Variants in ATRNL1 observed in about 807,000 individuals in gnomAD.
ATRNL1 encodes the protein attractin like 1.
In ATRNL1, 95 loss-of-function variants were observed where a neutral mutation model predicts 182.7. The ratio of observed to expected loss-of-function variants is 0.52; its 90% confidence interval spans 0.44 to 0.62. The LOEUF is 0.62. Among genes scored for constraint, ATRNL1 ranks in the 20% least tolerant of loss-of-function variants. The pLI is 0.00. For synonymous variants in ATRNL1, 576 were observed against 568.3 expected, an observed-to-expected ratio of 1.01 and a Z score of -0.19; for missense variants, 1,471 against 1,679.5, an observed-to-expected ratio of 0.88 and a Z score of 2.17.
At chr10:115,099,688 G>T (rs1042570982) in intron 1 of ATRNL1, among the ~76,000 whole-genome samples, 1 of 152,144 alleles carries the variant, frequency 6.6e-6, no homozygotes, top group Admixed American at 6.5e-5. Context: ...AATTACTAAT[G>T]ATATTGAGTA....
chr10:115,378,710 C>T (rs1857814688), intron 19 of ATRNL1, among the ~76,000 whole-genome samples: 1 of 152,142 alleles, frequency 6.6e-6, no homozygotes, highest in Non-Finnish European at 1.5e-5. Context: ...CACAGATCAG[C>T]AAGTCTCCCA....
chr10:115,508,717 G>A (rs1229891764), intron 24 of ATRNL1, among the ~76,000 whole-genome samples: 1 of 151,992 alleles, frequency 6.6e-6, no homozygotes, highest in Non-Finnish European at 1.5e-5. Context: ...AGAGAGGTGA[G>A]GAAGATGCAG....
intron 8 of ATRNL1, among the ~76,000 whole-genome samples, chr10:115,198,096 TG>T (rs1554891479): frequency 1.3e-5 from 2 of 152,174 alleles, no homozygotes; most frequent in African/African-American, 4.8e-5. Context: ...GGCTTCATAT[TG>T]TTTTCCATAA....
At chr10:115,848,536 T>C (rs1233914703) in intron 28 of ATRNL1, among the ~76,000 whole-genome samples, 1 of 152,134 alleles carries the variant, frequency 6.6e-6, no homozygotes. Context: ...AGGGAAACCC[T>C]CTGTCTTAGG....
chr10:115,258,364 A>G (rs1362930259), intron 10 of ATRNL1, among the ~76,000 whole-genome samples: 2 of 151,752 alleles, frequency 1.3e-5, no homozygotes, highest in African/African-American at 4.8e-5. Context: ...CATTAATTTG[A>G]TCTTCAGTCA....
chr10:115,389,213 T>C (rs1400171766), intron 19 of ATRNL1, among the ~76,000 whole-genome samples: 1 of 151,980 alleles, frequency 6.6e-6, no homozygotes, highest in Non-Finnish European at 1.5e-5. Context: ...ATCTTGTCTT[T>C]TTAAAAGCTG....
intron 26 of ATRNL1, among the ~76,000 whole-genome samples, chr10:115,571,994 A>G (rs930148326): frequency 2.6e-5 from 4 of 152,084 alleles, no homozygotes; most frequent in Non-Finnish European, 5.9e-5. Context: ...TATGATGTTT[A>G]TATGAAATGT....
At chr10:115,346,401 G>A (rs1380769945) in intron 19 of ATRNL1, among the ~76,000 whole-genome samples, 1 of 152,136 alleles carries the variant, frequency 6.6e-6, no homozygotes, top group Admixed American at 6.5e-5. Context: ...CTTAGCATAA[G>A]CCTTCATGGT....
chr10:115,838,686 A>G (rs547916159), intron 27 of ATRNL1, among the ~76,000 whole-genome samples: 1 of 152,132 alleles, frequency 6.6e-6, no homozygotes, highest in Non-Finnish European at 1.5e-5. Context: ...GTGAAAGCTG[A>G]TGTTCATAAT....
chr10:115,692,962 T>C (rs1239517695), intron 26 of ATRNL1, among the ~76,000 whole-genome samples: 6 of 152,062 alleles, frequency 3.9e-5, no homozygotes, highest in Admixed American at 3.9e-4. Flanking sequence ...TAATAGGCAA[T>C]ATTGCTTCCA....
chr10:115,164,394 T>C (rs2144035114), intron 6 of ATRNL1, among the ~76,000 whole-genome samples: 1 of 152,248 alleles, frequency 6.6e-6, no homozygotes, highest in South Asian at 2.1e-4. Context: ...GTATGTAAAG[T>C]AGCACAGTCA....
chr10:115,435,967 A>G (rs1846385719), intron 21 of ATRNL1, among the ~76,000 whole-genome samples: 1 of 152,176 alleles, frequency 6.6e-6, no homozygotes, highest in Admixed American at 6.5e-5. Flanking sequence ...AGTTATTAAT[A>G]CATAAGTGAA....
chr10:115,386,348 G>T (rs1294006300), intron 19 of ATRNL1, among the ~76,000 whole-genome samples: 3 of 152,114 alleles, frequency 2.0e-5, no homozygotes, highest in Non-Finnish European at 4.4e-5. Flanking sequence ...TTTCACGGGG[G>T]CACCAGCTGC....
At chr10:115,630,826 A>G (rs1858442429) in intron 26 of ATRNL1, among the ~76,000 whole-genome samples, 1 of 83,262 alleles carries the variant, frequency 1.2e-5, no homozygotes, top group South Asian at 4.7e-4. Flanking sequence ...TATATGTATT[A>G]TACACACACA....
intron 26 of ATRNL1, among the ~76,000 whole-genome samples, chr10:115,677,647 G>A (rs1320412024): frequency 6.6e-6 from 1 of 152,058 alleles, no homozygotes; most frequent in African/African-American, 2.4e-5. Flanking sequence ...CCATGATTCT[G>A]AGGCCTCCCT....
chr10:115,445,030 C>G (rs1278144123), intron 21 of ATRNL1, among the ~76,000 whole-genome samples: 3 of 151,868 alleles, frequency 2.0e-5, no homozygotes, highest in Admixed American at 1.3e-4. Context: ...TGCACCCGAC[C>G]CTGAAATTAT....
At chr10:115,782,206 A>G (rs554834024) in intron 27 of ATRNL1, among the ~76,000 whole-genome samples, 46 of 152,314 alleles carry the variant, frequency 3.0e-4, no homozygotes, top group African/African-American at 1.0e-3. Flanking sequence ...ACATTCTTCA[A>G]TCTGAATCAG....
At chr10:115,919,502 C>A (rs1307112401) in intron 28 of ATRNL1, among the ~76,000 whole-genome samples, 1 of 151,974 alleles carries the variant, frequency 6.6e-6, no homozygotes, top group Non-Finnish European at 1.5e-5. Flanking sequence ...TCAAAAACTG[C>A]AAAATTTAAA....
At chr10:115,578,746 T>C (rs544744405) in intron 26 of ATRNL1, among the ~76,000 whole-genome samples, 1 of 151,808 alleles carries the variant, frequency 6.6e-6, no homozygotes, top group African/African-American at 2.4e-5. Flanking sequence ...TGCTGGTCTT[T>C]ATTAGTTTCT....
Sources: gnomAD v4.1 joint callset for allele counts (sites outside exome capture counted in the v4.1 genomes callset) on GRCh38, gnomAD v4.1.1 for gene constraint, MANE v1.5 for transcripts, NCBI Gene and HGNC (gene_info 2026-07-23, HGNC 2026-07-21) for gene names.